Variants in ZDHHC17 observed in about 807,000 individuals in gnomAD.
ZDHHC17 encodes the protein palmitoyltransferase ZDHHC17.
A neutral mutation model predicts 90.3 loss-of-function variants in ZDHHC17; 40 were observed. The observed-to-expected ratio is 0.44, with a 90% CI of 0.34 to 0.58. The LOEUF (loss-of-function observed/expected upper bound fraction) is 0.58. Ranked by LOEUF, ZDHHC17 falls within the 20% of genes least tolerant of loss-of-function variation. The pLI is 0.01. For missense variants in ZDHHC17, 614 were observed against 780.8 expected (o/e 0.79, Z 2.55); for synonymous variants, 235 against 252.4 (o/e 0.93, Z 0.65).
At chr12:76,797,893 G>A (rs1425051404) in intron 2 of ZDHHC17, among the ~76,000 whole-genome samples, 1 of 151,784 alleles carries the variant, frequency 6.6e-6, no homozygotes, top group Non-Finnish European at 1.5e-5. Context: ...GCAGTGAGCC[G>A]AGATTGCGCC....
chr12:76,847,384 G>T (rs1953507082), intron 14 of ZDHHC17, among the ~76,000 whole-genome samples: 1 of 152,168 alleles, frequency 6.6e-6, no homozygotes, highest in Admixed American at 6.5e-5. Flanking sequence ...AATAATCAGT[G>T]TTATTGCCCT....
chr12:76,826,046 T>C (rs1953226294), intron 8 of ZDHHC17, among the ~76,000 whole-genome samples: 1 of 152,142 alleles, frequency 6.6e-6, no homozygotes, highest in South Asian at 2.1e-4. Flanking sequence ...CTACAACTCT[T>C]GGGCTCAAGC....
At chr12:76,799,034 G>A (rs145605773) in intron 2 of ZDHHC17, among the ~76,000 whole-genome samples, 57 of 152,272 alleles carry the variant, frequency 3.7e-4, no homozygotes, top group African/African-American at 1.4e-3. Context: ...CTACTCGGAA[G>A]GCTGAGGTGG....
chr12:76,815,008 G>A (rs1396263952), intron 5 of ZDHHC17, 138 bp from the exon 6 acceptor site: 6 of 501,708 alleles, frequency 1.2e-5, no homozygotes, highest in Non-Finnish European at 3.5e-6. Context: ...AGTTAAGAAA[G>A]AAAGTTTCAT....
intron 4 of ZDHHC17, 36 bp downstream of exon 4, chr12:76,809,156 C>T (rs1252997612): frequency 1.4e-6 from 2 of 1,432,262 alleles, no homozygotes; most frequent in Non-Finnish European, 1.9e-6. Flanking sequence ...TCCTTTGGTT[C>T]CTTTATTAGT....
At chr12:76,799,575 G>A (rs1952862898) in intron 2 of ZDHHC17, among the ~76,000 whole-genome samples, 2 of 152,160 alleles carry the variant, frequency 1.3e-5, no homozygotes, top group Non-Finnish European at 1.5e-5. Flanking sequence ...GCGTGTTGGA[G>A]CATGTTTCTG....
At chr12:76,823,849 A>G (rs1354203469) in intron 8 of ZDHHC17, among the ~76,000 whole-genome samples, 3 of 152,168 alleles carry the variant, frequency 2.0e-5, no homozygotes, top group Admixed American at 6.5e-5. Flanking sequence ...ACTAATGAAC[A>G]ATTTTTGCAT....
intron 5 of ZDHHC17, 100 bp downstream of exon 5, chr12:76,809,957 G>A (rs371824622): frequency 9.4e-6 from 12 of 1,277,778 alleles, no homozygotes; most frequent in East Asian, 7.8e-5. Context: ...TATTTAAATA[G>A]CACTTTCTGA....
chr12:76,792,177 C>G (rs1307957191), intron 1 of ZDHHC17, among the ~76,000 whole-genome samples: 6 of 152,154 alleles, frequency 3.9e-5, no homozygotes, highest in African/African-American at 1.4e-4. Flanking sequence ...ATAGGCTCCA[C>G]TCCAGGTCAC....
Position 76,827,009 on chromosome 12 carries a change from A to G in ZDHHC17, c.999A>G (p.Leu333=). Residue 333 remains leucine (L), a synonymous_variant, in exon 9 of 17, where the codon CTA becomes CTG. Coordinates refer to ENST00000426126, the MANE Select transcript of ZDHHC17 (RefSeq NM_015336.4). ...TTGATTCTTGGCTCATTAAAGGGCT[A>G]ATGTATGGTGGTGTTTGGGCTACAG... ...LNIDSWLIKG[L]MYGGVWATVQ... 1 of 1,566,622 alleles carries G rather than the reference A, an allele frequency of 6.4e-7. No homozygotes were observed. The highest frequency in any genetic ancestry group is 2.1e-5 in the Admixed American group (1 of 48,122).
chr12:76,794,640 A>C (rs1388782736), intron 1 of ZDHHC17, among the ~76,000 whole-genome samples: 2 of 152,200 alleles, frequency 1.3e-5, no homozygotes, highest in African/African-American at 4.8e-5. Flanking sequence ...TATCGGAGGC[A>C]CAAAACAGAT....
At chr12:76,809,901 C>A (rs776086038) in intron 5 of ZDHHC17, 44 bp downstream of exon 5, 15 of 1,578,182 alleles carry the variant, frequency 9.5e-6, no homozygotes, top group Non-Finnish European at 1.2e-5. Context: ...AGATGTTCTT[C>A]ATAGTTTAAA....
intron 1 of ZDHHC17, among the ~76,000 whole-genome samples, chr12:76,777,621 C>T (rs761517204): frequency 1.4e-4 from 22 of 152,146 alleles, no homozygotes; most frequent in Non-Finnish European, 2.1e-4. Flanking sequence ...AGTAACTGTA[C>T]ATTTTACATT....
intron 10 of ZDHHC17, among the ~76,000 whole-genome samples, chr12:76,837,442 A>G (rs1953381005): frequency 6.6e-6 from 1 of 152,148 alleles, no homozygotes; most frequent in African/African-American, 2.4e-5. Flanking sequence ...CTGCAGTAAG[A>G]TATGATTATG....
chr12:76,786,403 C>T (rs1458814996), intron 1 of ZDHHC17, among the ~76,000 whole-genome samples: 1 of 152,062 alleles, frequency 6.6e-6, no homozygotes, highest in Non-Finnish European at 1.5e-5. Context: ...ATGGCAGGCA[C>T]CTGCCACCAT....
chr12:76,797,141 A>G (rs563737639), intron 1 of ZDHHC17, among the ~76,000 whole-genome samples: 4 of 152,140 alleles, frequency 2.6e-5, no homozygotes, highest in East Asian at 1.9e-4. Flanking sequence ...GCACGTGCCT[A>G]TAGTCTCAGC....
intron 1 of ZDHHC17, chr12:76,768,934 G>T: frequency 2.4e-5 from 4 of 168,956 alleles, no homozygotes; most frequent in South Asian, 2.0e-4. Context: ...TCTTTTTATG[G>T]TAACGTTTTT....
At chr12:76,811,865 A>G (rs999246395) in intron 5 of ZDHHC17, among the ~76,000 whole-genome samples, 1 of 152,192 alleles carries the variant, frequency 6.6e-6, no homozygotes, top group Non-Finnish European at 1.5e-5. Flanking sequence ...GAGTGTCAAC[A>G]TGATGCCACA....
At chr12:76,826,860 A>G (rs1953236459) in intron 8 of ZDHHC17, 48 bp from the exon 9 acceptor site, 1 of 1,475,908 alleles carries the variant, frequency 6.8e-7, no homozygotes, top group Admixed American at 2.9e-5. Context: ...TCAGATTGAG[A>G]TTACTTGAAA....
Sources: allele counts gnomAD v4.1 joint callset (sites outside exome capture counted in the v4.1 genomes callset), GRCh38; gene constraint gnomAD v4.1.1; transcripts MANE v1.5; gene names NCBI Gene and HGNC (gene_info 2026-07-23, HGNC 2026-07-21).